Variants in MTREX observed in about 807,000 individuals in gnomAD.
MTREX encodes the protein exosome RNA helicase MTR4.
Under a neutral mutation model 135.4 loss-of-function variants are expected in MTREX, and 76 were observed. That is an observed-to-expected ratio of 0.56 (90% CI 0.47 to 0.68). The LOEUF (loss-of-function observed/expected upper bound fraction) is 0.68, where lower values mean the gene tolerates loss of function less well. Ranked by LOEUF, MTREX falls within the 30% of genes least tolerant of loss-of-function variation. The pLI, the probability that MTREX is intolerant of heterozygous loss-of-function variation, is 0.00. For missense variants in MTREX, 920 were observed against 1,262.1 expected, an observed-to-expected ratio of 0.73 and a Z score of 4.11; for synonymous variants, 404 against 401.6, an observed-to-expected ratio of 1.01 and a Z score of -0.07.
chr5:55,408,562 T>G (rs1374302668), intron 22 of MTREX, among the ~76,000 whole-genome samples: 1 of 152,222 alleles, frequency 6.6e-6, no homozygotes, highest in Non-Finnish European at 1.5e-5. Flanking sequence ...GTTCATGGCT[T>G]TATTCTTTTT....
chr5:55,348,889 T>A (rs1749780994), intron 11 of MTREX, among the ~76,000 whole-genome samples: 1 of 152,204 alleles, frequency 6.6e-6, no homozygotes, highest in Non-Finnish European at 1.5e-5. Flanking sequence ...TTGGAATTGT[T>A]TTTCTCACAG....
At chr5:55,345,038 G>T in intron 9 of MTREX, 56 bp from the exon 10 acceptor site, 3 of 1,044,338 alleles carry the variant, frequency 2.9e-6, no homozygotes, top group Non-Finnish European at 4.4e-6. Context: ...TATGAAAAAT[G>T]TTTGAATTAT....
At position 55,392,541 on chromosome 5, in the gene MTREX, TAAAAAAAA is replaced by T. The variant is rs34486683; in HGVS notation, c.2181+4455_2181+4462del. Among the ~76,000 whole-genome samples, 6 of 114,532 alleles carry T rather than the reference TAAAAAAAA, an allele frequency of 5.2e-5. No individual in the cohort carries two copies. The East Asian group carries it at 1.0e-3, about 20-fold the overall frequency. 75.1% of individuals were successfully genotyped at this position (114,532 alleles called of 152,430 possible). ...CTGGGTGACAGAGAAGGGCTCTGTC[TAAAAAAAA>T]AAAAAAAAAAAAAAATTCCCCAGTC... On this transcript the variant is annotated intron_variant, in intron 19 of 26. Coordinates refer to ENST00000230640, the MANE Select transcript of MTREX (RefSeq NM_015360.5).
chr5:55,313,864 A>ATG lies in MTREX; in HGVS notation c.134+5721_134+5722dup, dbSNP rs112771137. Among the ~76,000 whole-genome samples, 928 of 152,186 alleles carry ATG rather than the reference A, an allele frequency of 6.1e-3. 7 individuals are homozygous for ATG. Among genetic ancestry groups the ATG allele is most frequent in the African/African-American group, 0.022 (895 of 41,520 alleles). ...TTTGAAAATATCAAATTGTGCGTAC[A>ATG]TGTGTCTATCAGATGTCTCCATTTC... is the stretch of plus-strand genomic sequence containing the variant. On this transcript the variant is annotated intron_variant, in intron 1 of 26. Transcript: ENST00000230640.
intron 5 of MTREX, among the ~76,000 whole-genome samples, chr5:55,337,752 T>C (rs1749576715): frequency 6.6e-6 from 1 of 151,970 alleles, no homozygotes; most frequent in Non-Finnish European, 1.5e-5. Flanking sequence ...ATTTGCCTTT[T>C]GTTGTTCGTT....
chr5:55,318,011 A>T (rs984100246), intron 1 of MTREX, among the ~76,000 whole-genome samples: 1 of 152,230 alleles, frequency 6.6e-6, no homozygotes, highest in African/African-American at 2.4e-5. Context: ...CAGAAAGCAT[A>T]TAAAAAAAGC....
intron 23 of MTREX, 145 bp from the exon 24 acceptor site, chr5:55,414,037 T>G (rs1055247357): frequency 5.7e-5 from 30 of 524,810 alleles, no homozygotes; most frequent in Non-Finnish European, 8.9e-5. Flanking sequence ...ACTGAATTGA[T>G]TAGAAACTCT....
intron 18 of MTREX, among the ~76,000 whole-genome samples, chr5:55,385,631 A>G (rs555701665): frequency 5.1e-4 from 77 of 151,898 alleles, no homozygotes; most frequent in Non-Finnish European, 8.2e-4. Flanking sequence ...TTTTTTTTGG[A>G]CTAGATCTTT....
intron 15 of MTREX, among the ~76,000 whole-genome samples, chr5:55,360,248 A>T (rs141550796): frequency 1.8e-4 from 27 of 152,208 alleles, no homozygotes; most frequent in Middle Eastern, 3.4e-3. Context: ...AATGTTTTCA[A>T]GTTTTATGCA....
At chr5:55,328,522 G>A (rs1749418826) in intron 4 of MTREX, among the ~76,000 whole-genome samples, 177 bp from the exon 5 acceptor site, 1 of 152,026 alleles carries the variant, frequency 6.6e-6, no homozygotes, top group Non-Finnish European at 1.5e-5. Context: ...TGTTGTTTGG[G>A]CAAAAATGTA....
chr5:55,373,152 G>T (rs1397802941), intron 16 of MTREX, among the ~76,000 whole-genome samples: 2 of 137,058 alleles, frequency 1.5e-5, no homozygotes, highest in Non-Finnish European at 1.6e-5. Context: ...TCTTAGATCT[G>T]TTCATAATAA....
intron 19 of MTREX, among the ~76,000 whole-genome samples, chr5:55,388,460 T>C (rs1363183663): frequency 3.3e-5 from 5 of 152,298 alleles, no homozygotes; most frequent in African/African-American, 7.2e-5. Flanking sequence ...TCATGCTGTT[T>C]ATTTCCCATT....
intron 3 of MTREX, among the ~76,000 whole-genome samples, chr5:55,327,267 G>A (rs111323300): frequency 3.3e-5 from 5 of 152,062 alleles, no homozygotes; most frequent in African/African-American, 4.8e-5. Context: ...TTGAGGAATC[G>A]CCACACTGCA....
In MTREX at chr5:55,322,444, G is replaced by C. The variant is rs1749304612; in HGVS notation, c.252G>C (p.Glu84Asp). 6.3e-7 allele frequency: 1 copy of C among 1,593,184 alleles called. No individual in the cohort carries two copies. Among genetic ancestry groups the C allele is most frequent in the South Asian group, 1.2e-5 (1 of 86,830 alleles). The change falls in exon 2 of 27, where the codon GAG (glutamate) becomes GAC (aspartate). Residue 84 changes from glutamate (E) to aspartate (D), a missense_variant. This residue lies in a region of MTREX where 136 missense variants were observed against 126.7 expected (regional missense o/e 1.07). Transcript: ENST00000230640. ...TTGGAAAGAAGCCCAGGATAGAAGAGTCAATAACTGAAGACTTAAGGTAAT... is the reference window on the plus strand; with the variant it reads ...TTGGAAAGAAGCCCAGGATAGAAGACTCAATAACTGAAGACTTAAGGTAAT... ...PIFGKKPRIE[E>D]SITEDLSLAD...
At chr5:55,355,885 C>G (rs1749903255) in intron 14 of MTREX, among the ~76,000 whole-genome samples, 1 of 152,156 alleles carries the variant, frequency 6.6e-6, no homozygotes, top group South Asian at 2.1e-4. Context: ...GGGGGTAGTT[C>G]TAGAATTAAC....
chr5:55,381,277 T>C (rs1750393145), intron 18 of MTREX, among the ~76,000 whole-genome samples: 3 of 152,120 alleles, frequency 2.0e-5, no homozygotes, highest in Admixed American at 2.0e-4. Context: ...TTTAATTTTC[T>C]TTCTTCTGGC....
chr5:55,369,831 T>C (rs1374674223), intron 16 of MTREX, among the ~76,000 whole-genome samples: 2 of 152,192 alleles, frequency 1.3e-5, no homozygotes, highest in Admixed American at 1.3e-4. Context: ...CTAACCCGTG[T>C]TATTTCTTTT....
Position 55,397,505 on chromosome 5 carries a change from G to A in MTREX, c.2271G>A (p.Gln757=), listed in dbSNP as rs1187492575. ...PKDLRPVDNR[Q]SVLKSIQEVQ... is the part of the protein sequence containing the mutation. Reference sequence around the variant, plus strand: ...ACCTTCGGCCGGTGGACAATAGACAGAGTGTTTTAAAATCAATACAGGTAT... The same window carrying A: ...ACCTTCGGCCGGTGGACAATAGACAAAGTGTTTTAAAATCAATACAGGTAT... Residue 757 remains glutamine (Q), a synonymous_variant, in exon 20 of 27, where the codon CAG becomes CAA. Transcript: ENST00000230640. 1 of 1,605,290 alleles carries A rather than the reference G, an allele frequency of 6.2e-7. No homozygotes were observed. Among genetic ancestry groups the A allele is most frequent in the Admixed American group, 1.7e-5 (1 of 59,898 alleles).
chr5:55,366,201 A>G (rs994116206), intron 15 of MTREX, among the ~76,000 whole-genome samples: 2 of 152,198 alleles, frequency 1.3e-5, no homozygotes, highest in Non-Finnish European at 2.9e-5. Context: ...ACAAAAAGGA[A>G]TTAAAGTGTA....
Sources: gnomAD v4.1 joint callset for allele counts (sites outside exome capture counted in the v4.1 genomes callset) on GRCh38, gnomAD v4.1.1 for gene constraint, gnomAD v4.1.1 regional missense constraint, MANE v1.5 for transcripts, NCBI Gene and HGNC (gene_info 2026-07-23, HGNC 2026-07-21) for gene names.